Variants in DNAH17 observed in about 807,000 individuals in gnomAD.
DNAH17 encodes the protein dynein axonemal heavy chain 17.
DNAH17 carries 376 observed loss-of-function variants against 485.6 expected under a neutral mutation model. That is an observed-to-expected ratio of 0.77 (90% CI 0.71 to 0.84). DNAH17 has a LOEUF of 0.84. DNAH17 is among the 40% of genes least tolerant of loss of function. The pLI is 0.00. For synonymous variants in DNAH17, 3,031 were observed against 2,405.9 expected (o/e 1.26, Z -7.60); for missense variants, 6,370 against 5,839.3 (o/e 1.09, Z -2.96).
intron 16 of DNAH17, among the ~76,000 whole-genome samples, chr17:78,551,056 TA>T (rs969553848): frequency 2.0e-5 from 3 of 152,012 alleles, no homozygotes; most frequent in Non-Finnish European, 2.9e-5. Flanking sequence ...TCATCTCCAC[TA>T]AAAAAACAAA....
chr17:78,548,506 G>C (rs372847022), intron 16 of DNAH17, among the ~76,000 whole-genome samples: 38 of 152,172 alleles, frequency 2.5e-4, no homozygotes, highest in African/African-American at 8.9e-4. Flanking sequence ...ACCCGGCCAC[G>C]GCCTTTTTAA....
At chr17:78,564,023 G>A (rs1370305411) in intron 11 of DNAH17, among the ~76,000 whole-genome samples, 5 of 152,188 alleles carry the variant, frequency 3.3e-5, no homozygotes, top group Non-Finnish European at 7.3e-5. Context: ...CCTAACAGGT[G>A]CCAGGGATGC....
chr17:78,571,067 G>C, intron 5 of DNAH17, 34 bp from the exon 6 acceptor site: 1 of 1,544,244 alleles, frequency 6.5e-7, no homozygotes, highest in Non-Finnish European at 8.8e-7. Context: ...CCACCGGTAA[G>C]AGAGCAGAAA....
chr17:78,505,635 GA>G (rs1244465878), intron 30 of DNAH17, among the ~76,000 whole-genome samples, 190 bp from the exon 31 acceptor site: 1 of 152,222 alleles, frequency 6.6e-6, no homozygotes. Context: ...TCAGGACACA[GA>G]AACCAGGCCA....
At chr17:78,515,100 A>C in intron 25 of DNAH17, 78 bp from the exon 26 acceptor site, 1 of 1,543,408 alleles carries the variant, frequency 6.5e-7, no homozygotes, top group African/African-American at 1.4e-5. Flanking sequence ...ACCTTTCTGC[A>C]CTTACTCGCA....
At chr17:78,539,018 G>A (rs1385017657) in intron 18 of DNAH17, among the ~76,000 whole-genome samples, 1 of 152,148 alleles carries the variant, frequency 6.6e-6, no homozygotes, top group Non-Finnish European at 1.5e-5. Context: ...CGATCATGAG[G>A]TCAGGAATTC....
At position 78,545,730 on chromosome 17, in the gene DNAH17, G is replaced by A. The variant is rs112764464; in HGVS notation, c.2392-1733C>T. Among the ~76,000 whole-genome samples, 23 of 152,042 alleles carry A rather than the reference G, an allele frequency of 1.5e-4. No homozygotes were observed. The South Asian group carries it at 2.1e-3, about 14-fold the overall frequency. ...GTGTTAGCCTTCCCATTACATTTGC[G>A]TTCTGCCCATTTTTCAACTCTTCTA... is the stretch of plus-strand genomic sequence containing the variant. On this transcript the variant is annotated intron_variant, in intron 16 of 80. Coordinates refer to ENST00000389840, the MANE Select transcript of DNAH17 (RefSeq NM_173628.4).
At chr17:78,508,281 T>C (rs1366878149) in intron 27 of DNAH17, among the ~76,000 whole-genome samples, 1 of 152,210 alleles carries the variant, frequency 6.6e-6, no homozygotes, top group Non-Finnish European at 1.5e-5. Flanking sequence ...GATGCTCTTC[T>C]GATACCAGAA....
At chr17:78,433,002 T>C (rs1478628877) in intron 75 of DNAH17, among the ~76,000 whole-genome samples, 1 of 138,714 alleles carries the variant, frequency 7.2e-6, no homozygotes, top group Admixed American at 8.2e-5. Flanking sequence ...GCAGCAGCCC[T>C]CCTGGGCAGC....
At chr17:78,448,339 A>AAAAT (rs570598845) in intron 69 of DNAH17, among the ~76,000 whole-genome samples, 4 of 152,202 alleles carry the variant, frequency 2.6e-5, no homozygotes, top group Admixed American at 6.5e-5. Flanking sequence ...TCTCTACTAA[A>AAAAT]AAATAAATAA....
intron 14 of DNAH17, among the ~76,000 whole-genome samples, chr17:78,556,678 G>A (rs1250179987): frequency 6.6e-6 from 1 of 152,064 alleles, no homozygotes; most frequent in Non-Finnish European, 1.5e-5. Context: ...CCACAGCCAC[G>A]CTCTCCGGGC....
chr17:78,506,695 C>T (rs1249325195), intron 30 of DNAH17, 25 bp downstream of exon 30: 3 of 1,613,500 alleles, frequency 1.9e-6, no homozygotes, highest in East Asian at 2.2e-5. Context: ...GGCTTAAACA[C>T]CGGAATGCAA....
intron 29 of DNAH17, 89 bp downstream of exon 29, chr17:78,507,189 A>C: frequency 6.8e-7 from 1 of 1,472,986 alleles, no homozygotes; most frequent in African/African-American, 1.4e-5. Context: ...CCTGGCCAGC[A>C]GGCTGCACAA....
intron 54 of DNAH17, 68 bp from the exon 55 acceptor site, chr17:78,468,951 ACCAACC>A (rs1418870728): frequency 3.4e-5 from 53 of 1,541,364 alleles, no homozygotes; most frequent in Non-Finnish European, 4.5e-5. Context: ...ATCCTCCACA[ACCAACC>A]AGAGCACAGG....
chr17:78,464,522 A>C (rs557213958), intron 56 of DNAH17, among the ~76,000 whole-genome samples: 130 of 152,302 alleles, frequency 8.5e-4, no homozygotes, highest in African/African-American at 3.0e-3. Flanking sequence ...TGGCCCCCCA[A>C]AGTGCTGGGA....
intron 69 of DNAH17, among the ~76,000 whole-genome samples, chr17:78,446,548 C>T (rs2087309716): frequency 6.6e-6 from 1 of 152,228 alleles, no homozygotes; most frequent in Non-Finnish European, 1.5e-5. Context: ...TATAACCACG[C>T]TGGCATTCTC....
chr17:78,485,848 C>A, intron 46 of DNAH17, 91 bp from the exon 47 acceptor site: 1 of 1,572,732 alleles, frequency 6.4e-7, no homozygotes, highest in African/African-American at 1.3e-5. Flanking sequence ...CGAACAGGTC[C>A]TAATGTTGAA....
Position 78,562,084 on chromosome 17 carries a change from A to G in DNAH17, c.1570-104T>C, listed in dbSNP as rs747762397. ...AGGGCCAATCTTCAGGAGTGAGAGA[A>G]TGTGTACCTTGCCAAAACAAAACAA... On this transcript the variant is annotated intron_variant, in intron 11 of 80. Coordinates refer to ENST00000389840, the MANE Select transcript of DNAH17 (RefSeq NM_173628.4). The G allele has an allele frequency of 2.6e-4, 357 of 1,354,296 alleles. 4 individuals carry two copies. The highest frequency in any genetic ancestry group is 7.6e-4 in the East Asian group (31 of 40,764). 83.9% of individuals were successfully genotyped at this position (1,354,296 alleles called of 1,614,324 possible).
In DNAH17 at chr17:78,486,311, C is replaced by A; in HGVS notation, c.7014G>T (p.Val2338=). 6.2e-7 allele frequency: 1 copy of A among 1,613,380 alleles called. No homozygotes were observed. The highest frequency in any genetic ancestry group is 8.5e-7 in the Non-Finnish European group (1 of 1,179,450). The change falls in exon 45 of 81, where the codon GTG becomes GTT. Residue 2338 remains valine (V), a synonymous_variant. Coordinates refer to ENST00000389840, the MANE Select transcript of DNAH17 (RefSeq NM_173628.4). Reference sequence around the variant, plus strand: ...ACAGCTCCCTGGGGGAGTCGGGGGGCACGGTCTTCTCCGTGAGCAGGCACT... The same window carrying A: ...ACAGCTCCCTGGGGGAGTCGGGGGGAACGGTCTTCTCCGTGAGCAGGCACT... The part of the protein sequence containing the change: ...LLECLLTEKT[V]PPDSPRELYE...
Sources: allele counts gnomAD v4.1 joint callset (sites outside exome capture counted in the v4.1 genomes callset), GRCh38; gene constraint gnomAD v4.1.1; transcripts MANE v1.5; gene names NCBI Gene and HGNC (gene_info 2026-07-23, HGNC 2026-07-21).